PDE1C: variants seen among roughly 807,000 people sequenced by gnomAD.
PDE1C encodes the protein dual specificity calcium/calmodulin-dependent 3',5'-cyclic nucleotide phosphodiesterase 1C.
PDE1C carries 62 observed loss-of-function variants against 93.1 expected under a neutral mutation model. The observed-to-expected ratio is 0.67, with a 90% CI of 0.54 to 0.82. The LOEUF (loss-of-function observed/expected upper bound fraction) is 0.82. PDE1C is among the 40% of genes least tolerant of loss of function. The probability of loss-of-function intolerance (pLI) is 0.00; values close to 1 mark genes in which losing one functional copy is unlikely to be tolerated. For missense variants in PDE1C, 742 were observed against 884.6 expected (o/e 0.84, Z 2.04); for synonymous variants, 325 against 310.1 (o/e 1.05, Z -0.50).
rs182560826 is a variant in PDE1C at position 31,982,724 on chromosome 7, T to C, written c.128+68830A>G. Among the ~76,000 whole-genome samples, 20 of 152,258 alleles carry C rather than the reference T, an allele frequency of 1.3e-4. No individual in the cohort carries two copies. In the East Asian group the frequency reaches 3.3e-3, roughly 25 times the overall value. On this transcript the variant is annotated intron_variant, in intron 2 of 17. Transcript: ENST00000396191. ...AATTGTAGAATCTAGATGGCAAGTGTAGGTGTTCATTATACTAATCTTTTG... is the reference window on the plus strand; with the variant it reads ...AATTGTAGAATCTAGATGGCAAGTGCAGGTGTTCATTATACTAATCTTTTG...
intron 3 of PDE1C, among the ~76,000 whole-genome samples, chr7:32,135,966 T>C (rs1800182635): frequency 6.6e-6 from 1 of 152,216 alleles, no homozygotes; most frequent in Non-Finnish European, 1.5e-5. Context: ...CATGATAGCA[T>C]GCAGTAACAT....
At chr7:32,042,169 A>T (rs569383407) in intron 2 of PDE1C, among the ~76,000 whole-genome samples, 1 of 152,312 alleles carries the variant, frequency 6.6e-6, no homozygotes, top group Admixed American at 6.5e-5. Flanking sequence ...GCATGATGGC[A>T]TGCACCTGTA....
intron 1 of PDE1C, among the ~76,000 whole-genome samples, chr7:32,322,826 G>C (rs1783326194): frequency 6.6e-6 from 1 of 152,060 alleles, no homozygotes; most frequent in African/African-American, 2.4e-5. Flanking sequence ...TCTTGGCCAG[G>C]ATGGTCTTGA....
At chr7:31,633,340 A>T in the PDE1C span, among the ~76,000 whole-genome samples, 1 of 152,144 alleles carries the variant, frequency 6.6e-6, no homozygotes, top group African/African-American at 2.4e-5. Flanking sequence ...TACAAAGACG[A>T]ATTTCCTAAA....
intron 3 of PDE1C, among the ~76,000 whole-genome samples, chr7:32,112,865 T>TATATATATATATAC (rs1276203872): frequency 1.3e-4 from 19 of 144,854 alleles, no homozygotes; most frequent in African/African-American, 5.0e-4. Context: ...TATATATATA[T>TATATATATATATAC]ATATATATCT....
chr7:31,618,031 C>T, the PDE1C span, among the ~76,000 whole-genome samples: 1 of 152,150 alleles, frequency 6.6e-6, no homozygotes, highest in African/African-American at 2.4e-5. Context: ...GTAGTTGTGG[C>T]ATCCATGGGA....
the PDE1C span, among the ~76,000 whole-genome samples, chr7:31,740,760 A>C: frequency 6.6e-6 from 1 of 152,310 alleles, no homozygotes; most frequent in African/African-American, 2.4e-5. Flanking sequence ...AAAATGCCTC[A>C]CTATCTCATC....
Position 31,834,592 on chromosome 7 carries a change from T to A in PDE1C, c.1203+2588A>T, listed in dbSNP as rs112027041. ...TGCCATGCTGGATTTTGGACTTGCA[T>A]AGGCCCTGTAACCCCTTTGTTTGCC... On this transcript the variant is annotated intron_variant, in intron 11 of 17. Transcript: ENST00000396191. Among the ~76,000 whole-genome samples the A allele has an allele frequency of 1.2e-3, 179 of 152,138 alleles. 1 individual carries two copies. The highest frequency in any genetic ancestry group is 3.9e-3 in the African/African-American group (161 of 41,510).
chr7:32,402,860 T>A, intron 1 of PDE1C, among the ~76,000 whole-genome samples: 1 of 152,156 alleles, frequency 6.6e-6, no homozygotes, highest in East Asian at 1.9e-4. Context: ...ATTGTCAGGA[T>A]AAGAGTTAAA....
chr7:31,967,739 A>T (rs1350525406), intron 2 of PDE1C, among the ~76,000 whole-genome samples: 1 of 152,338 alleles, frequency 6.6e-6, no homozygotes, highest in Non-Finnish European at 1.5e-5. Context: ...ATCCAGCAGC[A>T]CATCAAAAAG....
chr7:32,159,442 T>C (rs1349810514), intron 3 of PDE1C, among the ~76,000 whole-genome samples: 1 of 152,190 alleles, frequency 6.6e-6, no homozygotes, highest in Non-Finnish European at 1.5e-5. Flanking sequence ...AGGGGTCTGC[T>C]TTATTTTTAT....
At chr7:32,226,081 A>C (rs1807245014) in intron 1 of PDE1C, among the ~76,000 whole-genome samples, 2 of 152,126 alleles carry the variant, frequency 1.3e-5, no homozygotes, top group East Asian at 3.9e-4. Flanking sequence ...AAGGAAAGAA[A>C]GTTGCTTCAA....
chr7:32,177,132 G>A lies in PDE1C; in HGVS notation c.137-7176C>T, dbSNP rs576139088. Among the ~76,000 whole-genome samples the A allele has an allele frequency of 2.6e-5, 4 of 152,308 alleles. No individual in the cohort carries two copies. In the South Asian group the frequency reaches 6.2e-4, roughly 24 times the overall value. On this transcript the variant is annotated intron_variant, in intron 2 of 18. Coordinates refer to the PDE1C transcript ENST00000396193. The stretch of plus-strand genomic sequence containing the variant: ...ACGAACAAAGAACACTGCCGTGTGC[G>A]GAGAAAAAAGGCCTTGCTCAGCCCA...
intron 5 of PDE1C, among the ~76,000 whole-genome samples, chr7:31,875,084 A>G (rs1796378481): frequency 6.6e-6 from 1 of 152,204 alleles, no homozygotes; most frequent in South Asian, 2.1e-4. Flanking sequence ...ACTTAAGATT[A>G]ACCTAAGACC....
chr7:32,298,608 G>A (rs1051642144), intron 1 of PDE1C: 1 of 1,564,444 alleles, frequency 6.4e-7, no homozygotes, highest in South Asian at 1.2e-5. Flanking sequence ...CGGAGAGGGC[G>A]TTTGCCCGAG....
chr7:32,113,085 A>G (rs1321132986), intron 3 of PDE1C, among the ~76,000 whole-genome samples: 3 of 149,768 alleles, frequency 2.0e-5, no homozygotes, highest in Admixed American at 6.7e-5. Context: ...TGAATAGCAT[A>G]TGAGCACCCC....
At chr7:32,215,277 T>A (rs6462344) in intron 1 of PDE1C, among the ~76,000 whole-genome samples, 2 of 152,054 alleles carry the variant, frequency 1.3e-5, no homozygotes, top group South Asian at 2.1e-4. Flanking sequence ...AGGCTGCATG[T>A]GCCTTATGAT....
At chr7:32,096,392 C>A (rs1383731523) in intron 3 of PDE1C, among the ~76,000 whole-genome samples, 1 of 152,142 alleles carries the variant, frequency 6.6e-6, no homozygotes, top group East Asian at 1.9e-4. Flanking sequence ...TAAAGTATCT[C>A]CAAAACAAAC....
intron 2 of PDE1C, among the ~76,000 whole-genome samples, chr7:31,970,592 CTG>C (rs1465256136): frequency 1.3e-5 from 2 of 152,200 alleles, no homozygotes; most frequent in Non-Finnish European, 2.9e-5. Context: ...GAAATGAAAA[CTG>C]TGATTGTTGA....
Sources: allele counts gnomAD v4.1 joint callset (sites outside exome capture counted in the v4.1 genomes callset), GRCh38; gene constraint gnomAD v4.1.1; transcripts MANE v1.5; gene names NCBI Gene and HGNC (gene_info 2026-07-23, HGNC 2026-07-21).